PIEZO2: variants seen among roughly 807,000 people sequenced by gnomAD.
PIEZO2 encodes piezo type mechanosensitive ion channel component 2.
PIEZO2 carries 172 observed loss-of-function variants against 337.3 expected under a neutral mutation model. The ratio of observed to expected loss-of-function variants is 0.51; its 90% CI spans 0.45 to 0.58. The LOEUF (loss-of-function observed/expected upper bound fraction) is 0.58, where lower values mean the gene tolerates loss of function less well. Among genes scored for constraint, PIEZO2 ranks in the 20% least tolerant of loss-of-function variants. The pLI is 0.00. For synonymous variants in PIEZO2, 1,251 were observed against 1,228.5 expected (o/e 1.02, Z -0.38); for missense variants, 3,028 against 3,391.3 (o/e 0.89, Z 2.66).
chr18:11,050,002 T>C (rs922344908), intron 2 of PIEZO2, among the ~76,000 whole-genome samples: 1 of 152,176 alleles, frequency 6.6e-6, no homozygotes, highest in Non-Finnish European at 1.5e-5. Flanking sequence ...GACCTAGTGT[T>C]TCCTAAACTG....
At chr18:11,081,418 G>A (rs1180932178) in intron 1 of PIEZO2, among the ~76,000 whole-genome samples, 3 of 152,136 alleles carry the variant, frequency 2.0e-5, no homozygotes, top group African/African-American at 4.8e-5. Flanking sequence ...AATCCCAGTC[G>A]AGCAAGTCCA....
chr18:10,995,364 G>A (rs1432759009), intron 2 of PIEZO2, among the ~76,000 whole-genome samples: 2 of 152,144 alleles, frequency 1.3e-5, no homozygotes, highest in African/African-American at 4.8e-5. Flanking sequence ...TGTAGATTCT[G>A]AATGAGTTCC....
In PIEZO2 at chr18:11,009,641, T is replaced by G. The variant is rs966042966; in HGVS notation, c.161-29981A>C. 6.6e-6 allele frequency among the ~76,000 whole-genome samples: 1 copy of G among 152,242 alleles called. No homozygotes were observed. Among genetic ancestry groups the G allele is most frequent in the Non-Finnish European group, 1.5e-5 (1 of 68,050 alleles). On this transcript the variant is annotated intron_variant, in intron 2 of 55. Coordinates refer to ENST00000674853, the MANE Select transcript of PIEZO2 (RefSeq NM_001378183.1). This position sits in a 1 kb window ranked among gnomAD's most constrained non-coding sequence, Gnocchi z 4.6. ...TGTGGGCACTATAAAGATAAATGTC[T>G]TGTTATGGGTTAAATCGTGTCCCCT... is the stretch of plus-strand genomic sequence containing the variant.
At chr18:10,875,491 G>C (rs972894971) in intron 4 of PIEZO2, among the ~76,000 whole-genome samples, 2 of 152,190 alleles carry the variant, frequency 1.3e-5, no homozygotes, top group African/African-American at 2.4e-5. Flanking sequence ...TTGGGTGGCT[G>C]TTTCGGTGTG....
In PIEZO2 at chr18:10,773,010, GA is replaced by G. The variant is rs2038656906; in HGVS notation, c.2785+401del. ...TATATTCTTAATTATTGGCTTCCTG[GA>G]AAAGTCTCAGAATGGTTTCTTGAGA... On this transcript the variant is annotated intron_variant, in intron 20 of 55. Coordinates refer to ENST00000674853, the MANE Select transcript of PIEZO2 (RefSeq NM_001378183.1). This position sits in a 1 kb window ranked among gnomAD's most constrained non-coding sequence, Gnocchi z 5.3. Among the ~76,000 whole-genome samples the G allele has an allele frequency of 1.3e-5, 2 of 152,174 alleles. No homozygotes were observed.
At chr18:10,848,390 C>T (rs756317078) in intron 7 of PIEZO2, among the ~76,000 whole-genome samples, 28 of 152,172 alleles carry the variant, frequency 1.8e-4, no homozygotes, top group Non-Finnish European at 3.4e-4. Flanking sequence ...TGAGGTTTTG[C>T]TGTTTCTTAT....
chr18:10,891,485 A>G (rs2042754243), intron 4 of PIEZO2, among the ~76,000 whole-genome samples: 1 of 152,202 alleles, frequency 6.6e-6, no homozygotes, highest in Non-Finnish European at 1.5e-5. Context: ...ATCCTTTTCC[A>G]GAATGCAGAA....
intron 1 of PIEZO2, among the ~76,000 whole-genome samples, chr18:11,082,716 T>C (rs1274193084): frequency 6.6e-6 from 1 of 152,244 alleles, no homozygotes; most frequent in African/African-American, 2.4e-5. Context: ...TATGTGTGTA[T>C]GTGTGAGTGT....
intron 4 of PIEZO2, among the ~76,000 whole-genome samples, chr18:10,897,466 G>A (rs976552278): frequency 7.2e-5 from 11 of 152,296 alleles, no homozygotes; most frequent in Admixed American, 5.2e-4. Flanking sequence ...TGGGATTACA[G>A]GCGTGAGCCA....
chr18:10,745,876 CA>C (rs1208056791), intron 30 of PIEZO2, among the ~76,000 whole-genome samples: 2 of 152,160 alleles, frequency 1.3e-5, no homozygotes, highest in African/African-American at 4.8e-5. Context: ...ATGAGACCTA[CA>C]ACTCCACAAC....
intron 49 of PIEZO2, among the ~76,000 whole-genome samples, chr18:10,686,770 G>A (rs565455602): frequency 7.1e-4 from 108 of 152,274 alleles, no homozygotes; most frequent in Admixed American, 1.4e-3. Context: ...GTATCTGGAG[G>A]TTGGGAAGGA....
In PIEZO2 at chr18:10,819,198, C is replaced by T. The variant is rs1598529578; in HGVS notation, c.918-11924G>A. Among the ~76,000 whole-genome samples, 3 of 152,238 alleles carry T rather than the reference C, an allele frequency of 2.0e-5. 1 individual carries two copies. In the South Asian group the frequency reaches 6.2e-4, roughly 32 times the overall value. ...ATAATGATTTCTACTGGAATAATTA[C>T]ATGGGTAATTTAACAGTGGATTTGG... On this transcript the variant is annotated intron_variant, in intron 7 of 55. Transcript: ENST00000674853. The surrounding 1 kb of genome is among the most constrained non-coding windows in gnomAD (Gnocchi z 4.3).
chr18:10,715,297 G>GA (rs200486573), intron 38 of PIEZO2, among the ~76,000 whole-genome samples: 5,967 of 152,222 alleles, frequency 0.039, 196 homozygotes, highest in Admixed American at 0.1. Context: ...TCAGGTGGGA[G>GA]AAAACAAACA....
chr18:10,919,345 G>T (rs2145125479), intron 3 of PIEZO2, among the ~76,000 whole-genome samples: 1 of 152,178 alleles, frequency 6.6e-6, no homozygotes, highest in East Asian at 1.9e-4. Context: ...TGTTTATCAT[G>T]ATTAATTTCT....
At chr18:10,919,381 A>G (rs535143813) in intron 3 of PIEZO2, among the ~76,000 whole-genome samples, 3 of 152,114 alleles carry the variant, frequency 2.0e-5, no homozygotes, top group Non-Finnish European at 4.4e-5. Flanking sequence ...GAATTTTTCA[A>G]TTTTCTTTTG....
intron 49 of PIEZO2, among the ~76,000 whole-genome samples, chr18:10,684,966 C>T (rs1290589867): frequency 6.6e-6 from 1 of 152,110 alleles, no homozygotes; most frequent in East Asian, 1.9e-4. Flanking sequence ...TAACTCAGCT[C>T]CTCACTGTGC....
At position 10,943,834 on chromosome 18, in the gene PIEZO2, G is replaced by C. The variant is rs1310361008; in HGVS notation, c.287-32606C>G. 6.6e-6 allele frequency among the ~76,000 whole-genome samples: 1 copy of C among 152,118 alleles called. No homozygotes were observed. The highest frequency in any genetic ancestry group is 1.5e-5 in the Non-Finnish European group (1 of 68,016). Reference sequence around the variant, plus strand: ...AGAAGGGACCCGGTGGGAGATGACTGAATCATGGGAGCAAGTCTTTCCAGT... The same window carrying C: ...AGAAGGGACCCGGTGGGAGATGACTCAATCATGGGAGCAAGTCTTTCCAGT... On this transcript the variant is annotated intron_variant, in intron 3 of 55. Coordinates refer to ENST00000674853, the MANE Select transcript of PIEZO2 (RefSeq NM_001378183.1). The surrounding 1 kb of genome is among the most constrained non-coding windows in gnomAD (Gnocchi z 4.5).
In PIEZO2 at chr18:10,854,127, A is replaced by G. The variant is rs2041634460; in HGVS notation, c.917+1226T>C. The stretch of plus-strand genomic sequence containing the variant: ...AGAATCCACATTTTGAATTCTTTTG[A>G]TTGTTTTTCTTGTGGAGCTATTTAA... On this transcript the variant is annotated intron_variant, in intron 7 of 55. Transcript: ENST00000674853. This position sits in a 1 kb window ranked among gnomAD's most constrained non-coding sequence, Gnocchi z 4.6. Among the ~76,000 whole-genome samples the G allele has an allele frequency of 6.6e-6, 1 of 151,482 alleles. No individual in the cohort carries two copies. The highest frequency in any genetic ancestry group is 1.5e-5 in the Non-Finnish European group (1 of 67,900).
chr18:11,059,783 C>T (rs2037871301), intron 2 of PIEZO2, among the ~76,000 whole-genome samples: 1 of 152,176 alleles, frequency 6.6e-6, no homozygotes, highest in Admixed American at 6.5e-5. Context: ...TAGAAAGAGA[C>T]TTAGACTCCC....
Sources: allele counts gnomAD v4.1 joint callset (sites outside exome capture counted in the v4.1 genomes callset), GRCh38; gene constraint gnomAD v4.1.1; non-coding constraint Gnocchi (gnomAD v3.1); transcripts MANE v1.5; gene names NCBI Gene and HGNC (gene_info 2026-07-23, HGNC 2026-07-21).